The following FYB1 variants were observed in gnomAD, a reference collection of about 807,000 sequenced individuals.
FYB1 encodes the protein FYN binding protein 1, also known as FYN-binding protein 1.
FYB1 carries 41 observed loss-of-function variants against 94.1 expected under a neutral mutation model. The observed-to-expected ratio is 0.44, with a 90% confidence interval of 0.34 to 0.57. The LOEUF (loss-of-function observed/expected upper bound fraction) is 0.57. Among genes scored for constraint, FYB1 ranks in the 20% least tolerant of loss-of-function variants. The pLI is 0.02. For missense variants in FYB1, 1,050 were observed against 976.8 expected (o/e 1.07, Z -1.00); for synonymous variants, 367 against 353.2 (o/e 1.04, Z -0.44).
intron 2 of FYB1, among the ~76,000 whole-genome samples, chr5:39,179,548 C>CTTTTTTTT (rs11405241): frequency 1.4e-5 from 2 of 139,622 alleles, no homozygotes; most frequent in Admixed American, 7.3e-5. Context: ...CTTCTTTTTT[C>CTTTTTTTT]TTTTTTTTTT....
At chr5:39,206,721 G>T (rs1748888687) in intron 1 of FYB1, among the ~76,000 whole-genome samples, 1 of 152,098 alleles carries the variant, frequency 6.6e-6, no homozygotes, top group Admixed American at 6.5e-5. Flanking sequence ...AAACTACATG[G>T]TGACCTTCCC....
At chr5:39,181,203 G>A (rs1410602079) in intron 2 of FYB1, among the ~76,000 whole-genome samples, 1 of 152,176 alleles carries the variant, frequency 6.6e-6, no homozygotes, top group Non-Finnish European at 1.5e-5. Context: ...GAGAATTGAG[G>A]TAGCAGCAGA....
chr5:39,213,008 T>C (rs929025092), intron 1 of FYB1: 3 of 144,664 alleles, frequency 2.1e-5, no homozygotes, highest in South Asian at 4.4e-4. Flanking sequence ...AAATCACCTT[T>C]ACACGCCCCC....
chr5:39,218,401 G>A (rs1211127320), intron 1 of FYB1, among the ~76,000 whole-genome samples: 1 of 152,120 alleles, frequency 6.6e-6, no homozygotes, highest in Non-Finnish European at 1.5e-5. Context: ...GCATGGGGAC[G>A]TTTTACTCTA....
intron 1 of FYB1, among the ~76,000 whole-genome samples, chr5:39,265,659 AAAAT>A (rs1360690754): frequency 6.6e-5 from 10 of 152,142 alleles, no homozygotes; most frequent in South Asian, 4.1e-4. Flanking sequence ...CTCTGTCTCA[AAAAT>A]AAATAAATAA....
intron 2 of FYB1, chr5:39,170,389 G>A (rs1004772678): frequency 4.3e-5 from 30 of 703,264 alleles, no homozygotes; most frequent in Admixed American, 9.1e-5. Context: ...CAGCTGCACC[G>A]TGGTCTTGTC....
chr5:39,268,288 C>T (rs1008851556), intron 1 of FYB1, among the ~76,000 whole-genome samples: 2 of 149,086 alleles, frequency 1.3e-5, no homozygotes, highest in Non-Finnish European at 3.0e-5. Flanking sequence ...AGTGTGGTGA[C>T]ATGATCATTC....
intron 1 of FYB1, among the ~76,000 whole-genome samples, chr5:39,209,844 G>T (rs1367682520): frequency 1.3e-5 from 2 of 152,176 alleles, no homozygotes; most frequent in African/African-American, 4.8e-5. Flanking sequence ...CACCTTGATT[G>T]GTCATACAGA....
chr5:39,228,717 AT>A (rs2150566915), intron 1 of FYB1, among the ~76,000 whole-genome samples: 1 of 152,312 alleles, frequency 6.6e-6, no homozygotes, highest in East Asian at 1.9e-4. Flanking sequence ...GCAAAAGAAA[AT>A]CAAGACAAAA....
chr5:39,123,245 T>C (rs1367112480), intron 13 of FYB1, among the ~76,000 whole-genome samples: 1 of 152,152 alleles, frequency 6.6e-6, no homozygotes, highest in Non-Finnish European at 1.5e-5. Flanking sequence ...AATCTCCCCC[T>C]CTATGTCCTC....
chr5:39,212,396 C>T (rs1403669259), intron 1 of FYB1, among the ~76,000 whole-genome samples: 1 of 152,086 alleles, frequency 6.6e-6, no homozygotes, highest in East Asian at 1.9e-4. Context: ...AAAGTGAAAG[C>T]TATACATTAG....
At chr5:39,125,347 T>C (rs927911105) in intron 12 of FYB1, among the ~76,000 whole-genome samples, 12 of 152,166 alleles carry the variant, frequency 7.9e-5, no homozygotes, top group Admixed American at 1.3e-4. Flanking sequence ...TTCATATGTA[T>C]GGAATTTATA....
In FYB1 at chr5:39,128,320, T is replaced by C. The variant is rs1031432878; in HGVS notation, c.1841-513A>G. On this transcript the variant is annotated intron_variant, in intron 10 of 18. Transcript: ENST00000512982. Reference sequence around the variant, plus strand: ...CTGTTTCTGGTTTCATTTGTTATTCTATGCTCTTCAGGAAACTTGCAATTT... The same window carrying C: ...CTGTTTCTGGTTTCATTTGTTATTCCATGCTCTTCAGGAAACTTGCAATTT... Among the ~76,000 whole-genome samples, 5 of 152,318 alleles carry C rather than the reference T, an allele frequency of 3.3e-5. No homozygotes were observed. In the East Asian group the frequency reaches 9.6e-4, roughly 29 times the overall value.
chr5:39,112,315 C>T (rs906422223), intron 16 of FYB1, among the ~76,000 whole-genome samples: 1 of 151,804 alleles, frequency 6.6e-6, no homozygotes, highest in African/African-American at 2.4e-5. Context: ...GAAAATAACA[C>T]AATAGCAAAT....
At chr5:39,138,856 A>T in intron 5 of FYB1, 165 bp from the exon 6 acceptor site, 1 of 654,714 alleles carries the variant, frequency 1.5e-6, no homozygotes, top group Middle Eastern at 4.0e-4. Context: ...CCATACTGTG[A>T]ATTATTTTTG....
At chr5:39,128,318 T>C (rs184626632) in intron 10 of FYB1, among the ~76,000 whole-genome samples, 72 of 152,310 alleles carry the variant, frequency 4.7e-4, no homozygotes, top group Non-Finnish European at 1.0e-4. Flanking sequence ...CATTTGTTAT[T>C]CTATGCTCTT....
chr5:39,139,219 GA>G lies in FYB1; in HGVS notation c.1359+13del. On this transcript the variant is annotated intron_variant, in intron 5 of 18. Coordinates refer to ENST00000512982, the MANE Select transcript of FYB1 (RefSeq NM_001465.6). Reference sequence around the variant, plus strand: ...ATTATGTCAATATAATATGAGAAGAGAAAAAAATCTGACCTCATCTAGATTT... The same window carrying G: ...ATTATGTCAATATAATATGAGAAGAGAAAAAATCTGACCTCATCTAGATTT... 3.4e-6 allele frequency: 5 copies of G among 1,455,710 alleles called. No individual in the cohort carries two copies. Among genetic ancestry groups the G allele is most frequent in the South Asian group, 2.6e-5 (2 of 76,544 alleles). The allele number at this position is 1,455,710 out of a possible 1,614,324, so 90.2% of individuals were successfully genotyped here.
At chr5:39,220,617 T>G (rs1750202632), upstream of FYB1, among the ~76,000 whole-genome samples, 1 of 152,186 alleles carries the variant, frequency 6.6e-6, no homozygotes. Flanking sequence ...TTCCTTCTAC[T>G]CATTCATTCA....
At chr5:39,201,510 G>A (rs1748308957) in intron 2 of FYB1, among the ~76,000 whole-genome samples, 1 of 152,136 alleles carries the variant, frequency 6.6e-6, no homozygotes, top group Admixed American at 6.5e-5. Flanking sequence ...TCATTCAACA[G>A]AAATGAAACC....
Sources: allele counts gnomAD v4.1 joint callset (sites outside exome capture counted in the v4.1 genomes callset), GRCh38; gene constraint gnomAD v4.1.1; transcripts MANE v1.5; gene names NCBI Gene and HGNC (gene_info 2026-07-23, HGNC 2026-07-21).